RNF220: variants seen among roughly 807,000 people sequenced by gnomAD.
The protein encoded by RNF220 is ring finger protein 220.
RNF220 carries 7 observed loss-of-function variants against 67.1 expected under a neutral mutation model. That is an observed-to-expected ratio of 0.10 (90% confidence interval 0.06 to 0.20). The LOEUF (loss-of-function observed/expected upper bound fraction) is 0.20, where lower values mean the gene tolerates loss of function less well. RNF220 is among the 10% of genes least tolerant of loss of function. The pLI, the probability that RNF220 is intolerant of heterozygous loss-of-function variation, is 1.00. For synonymous variants in RNF220, 270 were observed against 283.2 expected (o/e 0.95, Z 0.47); for missense variants, 565 against 740.3 (o/e 0.76, Z 2.75).
chr1:44,413,266 A>G (rs1390786712), intron 2 of RNF220, among the ~76,000 whole-genome samples: 1 of 152,140 alleles, frequency 6.6e-6, no homozygotes, highest in African/African-American at 2.4e-5. Context: ...ACCATAAAGC[A>G]TTTCACACAG....
At chr1:44,465,394 A>G (rs1468144675) in intron 2 of RNF220, among the ~76,000 whole-genome samples, 3 of 150,804 alleles carry the variant, frequency 2.0e-5, no homozygotes, top group African/African-American at 4.9e-5. Flanking sequence ...TATATTAAAT[A>G]TATAAAAAAA....
At chr1:44,573,626 T>C (rs1034946051) in intron 2 of RNF220, among the ~76,000 whole-genome samples, 1 of 152,196 alleles carries the variant, frequency 6.6e-6, no homozygotes, top group Non-Finnish European at 1.5e-5. Context: ...AGGGGTCTGA[T>C]TTCCCAAGAG....
intron 2 of RNF220, among the ~76,000 whole-genome samples, chr1:44,536,126 C>T (rs916640581): frequency 6.6e-6 from 1 of 152,094 alleles, no homozygotes; most frequent in Non-Finnish European, 1.5e-5. Flanking sequence ...GTAGGGTGAC[C>T]TTAGGAGGTG....
intron 12 of RNF220, among the ~76,000 whole-genome samples, chr1:44,647,269 CTATA>C (rs1644678177): frequency 6.6e-6 from 1 of 152,198 alleles, no homozygotes; most frequent in African/African-American, 2.4e-5. Context: ...TTTGACATAA[CTATA>C]TAGGACTAGG....
At chr1:44,628,163 G>A (rs1644012162) in intron 5 of RNF220, among the ~76,000 whole-genome samples, 1 of 152,202 alleles carries the variant, frequency 6.6e-6, no homozygotes, top group Non-Finnish European at 1.5e-5. Context: ...AGAGCATTCT[G>A]GTCCAGAGGA....
Position 44,487,132 on chromosome 1 carries a change from C to T in RNF220, c.625+74410C>T, listed in dbSNP as rs1055413086. ...GGCAGATCATCTGAGATCAGGAGCT[C>T]GAGACCAGCCTGGCCAACATGGTGA... On this transcript the variant is annotated intron_variant, in intron 2 of 14. Coordinates refer to ENST00000361799, the MANE Select transcript of RNF220 (RefSeq NM_018150.4). 7.3e-5 allele frequency among the ~76,000 whole-genome samples: 11 copies of T among 151,460 alleles called. No individual in the cohort carries two copies. The East Asian group carries it at 1.4e-3, about 19-fold the overall frequency.
chr1:44,420,043 C>A (rs3853367), intron 2 of RNF220, among the ~76,000 whole-genome samples: 152,311 of 152,340 alleles, frequency 1, 76,141 homozygotes, highest in Non-Finnish European at 1. Flanking sequence ...GCCAAAGTTG[C>A]AAACAGTCAA....
At chr1:44,580,764 C>T (rs911643469) in intron 2 of RNF220, among the ~76,000 whole-genome samples, 2 of 152,230 alleles carry the variant, frequency 1.3e-5, no homozygotes, top group Non-Finnish European at 2.9e-5. Flanking sequence ...GCCTTCAGAG[C>T]TCTGGAAGCT....
Position 44,435,976 on chromosome 1 carries a change from G to A in RNF220, c.625+23254G>A, listed in dbSNP as rs560454172. ...TGGAAGAAACCTTTGGATAGGTTAGGGTTAGAATCTTTTCTCTCAGCTCAG... is the reference window on the plus strand; with the variant it reads ...TGGAAGAAACCTTTGGATAGGTTAGAGTTAGAATCTTTTCTCTCAGCTCAG... On this transcript the variant is annotated intron_variant, in intron 2 of 14. Transcript: ENST00000361799. Among the ~76,000 whole-genome samples, 5 of 152,172 alleles carry A rather than the reference G, an allele frequency of 3.3e-5. No homozygotes were observed. The South Asian group carries it at 1.0e-3, about 32-fold the overall frequency.
At chr1:44,544,119 A>C (rs1661919015) in intron 2 of RNF220, among the ~76,000 whole-genome samples, 1 of 152,170 alleles carries the variant, frequency 6.6e-6, no homozygotes, top group Non-Finnish European at 1.5e-5. Flanking sequence ...GGTCGGGAGG[A>C]CCACAGGAGA....
intron 2 of RNF220, among the ~76,000 whole-genome samples, chr1:44,460,720 CT>C (rs1653682267): frequency 6.6e-6 from 1 of 152,238 alleles, no homozygotes; most frequent in Admixed American, 6.5e-5. Context: ...ACTTTGGGTC[CT>C]GGGTTCCCCA....
intron 2 of RNF220, among the ~76,000 whole-genome samples, chr1:44,580,444 A>G (rs1393250957): frequency 2.0e-5 from 3 of 152,174 alleles, no homozygotes. Context: ...TTGTTTTTAG[A>G]TTTCCAAAAG....
intron 2 of RNF220, among the ~76,000 whole-genome samples, chr1:44,433,861 C>G (rs1650669830): frequency 1.3e-5 from 2 of 152,100 alleles, no homozygotes; most frequent in Admixed American, 1.3e-4. Flanking sequence ...ACTCTGGAGG[C>G]TGAGGCAGAA....
intron 2 of RNF220, among the ~76,000 whole-genome samples, chr1:44,454,184 T>G (rs1382108829): frequency 6.6e-6 from 1 of 152,226 alleles, no homozygotes; most frequent in African/African-American, 2.4e-5. Context: ...ATTCTTCCTA[T>G]GTACTAAAAT....
chr1:44,614,237 C>T lies in RNF220; in HGVS notation c.698C>T (p.Pro233Leu). Residue 233 changes from proline (P) to leucine (L), a missense_variant, in exon 3 of 15, where the codon CCC becomes CTC. Coordinates refer to ENST00000361799, the MANE Select transcript of RNF220 (RefSeq NM_018150.4). Reference protein sequence around the residue: ...ICPICQVLLRPSELQEHMEQE... With the variant: ...ICPICQVLLRLSELQEHMEQE... Reference sequence around the variant, plus strand: ...CCCATCTGCCAGGTCCTGCTGAGGCCCAGTGAGCTGCAGGAGCATATGGAG... The same window carrying T: ...CCCATCTGCCAGGTCCTGCTGAGGCTCAGTGAGCTGCAGGAGCATATGGAG... 6.2e-7 allele frequency: 1 copy of T among 1,614,174 alleles called. No homozygotes were observed. Among genetic ancestry groups the T allele is most frequent in the Non-Finnish European group, 8.5e-7 (1 of 1,180,008 alleles).
rs995631597 is a variant in RNF220, at chr1:44,624,803, C to A, written c.805-1494C>A. ...GGGTGAAGAAGCCGTGAATTATTTTCTTAAAGATCTTATCGCTTACAATGA... is the reference window on the plus strand; with the variant it reads ...GGGTGAAGAAGCCGTGAATTATTTTATTAAAGATCTTATCGCTTACAATGA... On this transcript the variant is annotated intron_variant, in intron 4 of 14. Transcript: ENST00000361799. The surrounding 1 kb of genome is among the most constrained non-coding windows in gnomAD (Gnocchi z 4.2). Among the ~76,000 whole-genome samples the A allele has an allele frequency of 6.6e-6, 1 of 152,168 alleles. No homozygotes were observed. The highest frequency in any genetic ancestry group is 1.5e-5 in the Non-Finnish European group (1 of 68,022).
In RNF220 at chr1:44,606,894, C is replaced by A. The variant is rs1032639611; in HGVS notation, c.626-7271C>A. On this transcript the variant is annotated intron_variant, in intron 2 of 14. Coordinates refer to ENST00000361799, the MANE Select transcript of RNF220 (RefSeq NM_018150.4). The surrounding 1 kb of genome is among the most constrained non-coding windows in gnomAD (Gnocchi z 4.2). ...CTCTAGCTCTGGCTCACATAGAGTG[C>A]CTACTCAGCATTTTCACATGAATGT... 6.6e-6 allele frequency among the ~76,000 whole-genome samples: 1 copy of A among 152,142 alleles called. No homozygotes were observed. The highest frequency in any genetic ancestry group is 2.4e-5 in the African/African-American group (1 of 41,414).
chr1:44,487,234 C>G (rs1006756851), intron 2 of RNF220, among the ~76,000 whole-genome samples: 1 of 152,094 alleles, frequency 6.6e-6, no homozygotes, highest in South Asian at 2.1e-4. Context: ...ACTTGAGGGG[C>G]TGAAGCAGGA....
At chr1:44,632,056 G>A (rs1644151503) in intron 5 of RNF220, 1 of 1,107,968 alleles carries the variant, frequency 9.0e-7, no homozygotes, top group Non-Finnish European at 1.1e-6. Context: ...CGCCGCCCTC[G>A]CCGGCCGGGC....
Sources: gnomAD v4.1 joint callset for allele counts (sites outside exome capture counted in the v4.1 genomes callset) on GRCh38, gnomAD v4.1.1 for gene constraint, Gnocchi (gnomAD v3.1) non-coding constraint, MANE v1.5 for transcripts, NCBI Gene and HGNC (gene_info 2026-07-23, HGNC 2026-07-21) for gene names.